The following NSMCE2 variants were observed in gnomAD, a reference collection of about 807,000 sequenced individuals.
NSMCE2 encodes E3 SUMO-protein ligase NSE2.
Under a neutral mutation model 23.8 loss-of-function variants are expected in NSMCE2, and 24 were observed. The observed-to-expected ratio is 1.01, with a 90% confidence interval of 0.73 to 1.42. The LOEUF (loss-of-function observed/expected upper bound fraction) is 1.42, where lower values mean the gene tolerates loss of function less well. Ranked by LOEUF, NSMCE2 falls within the 40% of genes most tolerant of loss-of-function variation. The pLI, the probability that NSMCE2 is intolerant of heterozygous loss-of-function variation, is 0.00. For missense variants in NSMCE2, 284 were observed against 296.5 expected, an observed-to-expected ratio of 0.96 and a Z score of 0.31; for synonymous variants, 92 against 94.1, an observed-to-expected ratio of 0.98 and a Z score of 0.13.
intron 3 of NSMCE2, among the ~76,000 whole-genome samples, chr8:125,115,610 G>T (rs569538354): frequency 6.6e-6 from 1 of 152,158 alleles, no homozygotes; most frequent in Non-Finnish European, 1.5e-5. Flanking sequence ...AATTAGCCAG[G>T]CATGGTGGCA....
chr8:125,143,488 CAG>C (rs1439928137), intron 3 of NSMCE2, among the ~76,000 whole-genome samples: 4 of 152,116 alleles, frequency 2.6e-5, no homozygotes, highest in Admixed American at 1.3e-4. Context: ...TAATATTTAT[CAG>C]AGTCTTCTGA....
intron 5 of NSMCE2, among the ~76,000 whole-genome samples, chr8:125,356,545 T>C (rs1813291248): frequency 6.6e-6 from 1 of 152,140 alleles, no homozygotes; most frequent in South Asian, 2.1e-4. Flanking sequence ...GCCAGGATGG[T>C]CTCGATCTCT....
At chr8:125,312,075 T>TAAAAAAAAAAAAAAAA (rs56906621) in intron 5 of NSMCE2, among the ~76,000 whole-genome samples, 3 of 99,368 alleles carry the variant, frequency 3.0e-5, no homozygotes, top group South Asian at 3.3e-4. Context: ...CCATCTCAAT[T>TAAAAAAAAAAAAAAAA]AAAAAAAAAA....
At chr8:125,156,019 C>T (rs1343490116) in intron 4 of NSMCE2, 1 of 446,702 alleles carries the variant, frequency 2.2e-6, no homozygotes, top group Non-Finnish European at 4.5e-6. Context: ...GTGGCGCACG[C>T]CTGTAGTTCC....
chr8:125,295,033 A>T (rs1011158237), intron 5 of NSMCE2, among the ~76,000 whole-genome samples: 2 of 152,206 alleles, frequency 1.3e-5, no homozygotes, highest in Non-Finnish European at 2.9e-5. Flanking sequence ...CTGTCACCTG[A>T]AACTACTTAA....
chr8:125,163,692 A>G (rs1821736578), intron 4 of NSMCE2, among the ~76,000 whole-genome samples: 1 of 152,218 alleles, frequency 6.6e-6, no homozygotes, highest in East Asian at 1.9e-4. Context: ...CTGAATGGCC[A>G]CAAGACTGAA....
At chr8:125,232,770 T>G (rs1412442248) in intron 5 of NSMCE2, among the ~76,000 whole-genome samples, 1 of 152,178 alleles carries the variant, frequency 6.6e-6, no homozygotes. Flanking sequence ...CTTCTTCTTG[T>G]TTTTTTAACC....
At chr8:125,175,030 T>C (rs1563697731) in intron 4 of NSMCE2, among the ~76,000 whole-genome samples, 1 of 152,158 alleles carries the variant, frequency 6.6e-6, no homozygotes, top group East Asian at 1.9e-4. Context: ...CTCTAGAAAA[T>C]ATAGTGTGTC....
intron 5 of NSMCE2, among the ~76,000 whole-genome samples, chr8:125,303,934 A>G (rs905011318): frequency 2.6e-5 from 4 of 152,222 alleles, no homozygotes; most frequent in East Asian, 1.9e-4. Context: ...TAAAGAAACA[A>G]TGTTCTTTCT....
intron 1 of NSMCE2, among the ~76,000 whole-genome samples, chr8:125,096,081 G>A (rs1250875600): frequency 2.6e-5 from 4 of 152,122 alleles, no homozygotes; most frequent in Non-Finnish European, 5.9e-5. Context: ...GTGATGTAGG[G>A]CCTTGAGCTC....
At chr8:125,356,154 G>A (rs1235133464) in intron 5 of NSMCE2, among the ~76,000 whole-genome samples, 1 of 151,674 alleles carries the variant, frequency 6.6e-6, no homozygotes, top group Non-Finnish European at 1.5e-5. Context: ...AATCCAACTG[G>A]CTGCTATGAA....
intron 5 of NSMCE2, among the ~76,000 whole-genome samples, chr8:125,212,888 A>G (rs963741755): frequency 6.6e-6 from 1 of 152,180 alleles, no homozygotes; most frequent in East Asian, 1.9e-4. Flanking sequence ...TTTCTGATTC[A>G]TCTGCTAATT....
chr8:125,323,050 C>A (rs1203060835), intron 5 of NSMCE2, among the ~76,000 whole-genome samples: 1 of 152,160 alleles, frequency 6.6e-6, no homozygotes, highest in Non-Finnish European at 1.5e-5. Context: ...TAGAGTGAGA[C>A]TCTGTCTCAG....
At chr8:125,176,234 G>T (rs140215265) in intron 4 of NSMCE2, among the ~76,000 whole-genome samples, 3 of 152,098 alleles carry the variant, frequency 2.0e-5, no homozygotes, top group Admixed American at 1.3e-4. Context: ...CAGCCTTTGC[G>T]CATATGTCTG....
chr8:125,122,123 C>A (rs2130501969), intron 3 of NSMCE2, among the ~76,000 whole-genome samples: 1 of 145,894 alleles, frequency 6.9e-6, no homozygotes, highest in South Asian at 2.2e-4. Context: ...TTATAGAGTC[C>A]ATTCTATGCC....
chr8:125,303,478 G>C (rs573853873), intron 5 of NSMCE2, among the ~76,000 whole-genome samples: 11 of 152,124 alleles, frequency 7.2e-5, no homozygotes, highest in African/African-American at 2.7e-4. Context: ...AAAGGTCAGG[G>C]GTATCCATTT....
At chr8:125,353,123 T>C (rs1379597336) in intron 5 of NSMCE2, among the ~76,000 whole-genome samples, 1 of 152,114 alleles carries the variant, frequency 6.6e-6, no homozygotes, top group African/African-American at 2.4e-5. Flanking sequence ...AATTTAAAAA[T>C]AGGAAATAGC....
At chr8:125,100,586 G>A (rs1424822986) in intron 1 of NSMCE2, among the ~76,000 whole-genome samples, 1 of 151,786 alleles carries the variant, frequency 6.6e-6, no homozygotes, top group East Asian at 1.9e-4. Flanking sequence ...TTTTGAGACC[G>A]CGTCTTGCTC....
At position 125,218,794 on chromosome 8, in the gene NSMCE2, A is replaced by G. The variant is rs1586628511; in HGVS notation, c.418+36538A>G. ...AAGTTTTAGAGATCTGTTTCGCAACAACATGAATAAACTTGACACTAATGA... is the reference window on the plus strand; with the variant it reads ...AAGTTTTAGAGATCTGTTTCGCAACGACATGAATAAACTTGACACTAATGA... On this transcript the variant is annotated intron_variant, in intron 5 of 7. Coordinates refer to ENST00000287437, the MANE Select transcript of NSMCE2 (RefSeq NM_173685.4). Among the ~76,000 whole-genome samples, 3 of 152,352 alleles carry G rather than the reference A, an allele frequency of 2.0e-5. No homozygotes were observed. In the East Asian group the frequency reaches 5.8e-4, roughly 29 times the overall value.
Sources: allele counts gnomAD v4.1 joint callset (sites outside exome capture counted in the v4.1 genomes callset), GRCh38; gene constraint gnomAD v4.1.1; transcripts MANE v1.5; gene names NCBI Gene and HGNC (gene_info 2026-07-23, HGNC 2026-07-21).